The following GRM7 variants were observed in gnomAD, a reference collection of about 807,000 sequenced individuals.
GRM7 encodes the protein glutamate metabotropic receptor 7.
GRM7 carries 35 observed loss-of-function variants against 84.5 expected under a neutral mutation model. That is an observed-to-expected ratio of 0.41 (90% confidence interval 0.32 to 0.55). The LOEUF is 0.55. Ranked by LOEUF, GRM7 falls within the 20% of genes least tolerant of loss-of-function variation. GRM7 has a pLI of 0.19. For synonymous variants in GRM7, 487 were observed against 455.1 expected, an observed-to-expected ratio of 1.07 and a Z score of -0.89; for missense variants, 1,003 against 1,194.6, an observed-to-expected ratio of 0.84 and a Z score of 2.36.
intron 1 of GRM7, among the ~76,000 whole-genome samples, chr3:7,124,237 T>C (rs1465201123): frequency 6.6e-6 from 1 of 152,198 alleles, no homozygotes. Flanking sequence ...AATACTTTAG[T>C]TGAAGAAACA....
chr3:7,513,770 G>A (rs1191602024), intron 7 of GRM7, among the ~76,000 whole-genome samples: 1 of 152,082 alleles, frequency 6.6e-6, no homozygotes, highest in Non-Finnish European at 1.5e-5. Context: ...TAAAAAATTA[G>A]AGAAGAACAT....
chr3:7,320,819 TA>T (rs1337063955), intron 4 of GRM7, among the ~76,000 whole-genome samples: 3 of 152,002 alleles, frequency 2.0e-5, no homozygotes, highest in East Asian at 3.9e-4. Context: ...ATTGTGCAAA[TA>T]TACCGTGATG....
At chr3:7,135,159 T>C (rs1041526048) in intron 1 of GRM7, among the ~76,000 whole-genome samples, 6 of 152,196 alleles carry the variant, frequency 3.9e-5, no homozygotes, top group African/African-American at 1.4e-4. Context: ...TTGGAATAAA[T>C]TAATAAAAAT....
intron 7 of GRM7, chr3:7,559,368 A>T (rs1239372310): frequency 6.6e-6 from 1 of 152,094 alleles, no homozygotes; most frequent in African/African-American, 2.4e-5. Flanking sequence ...TTTATTTACA[A>T]GCACATTATC....
chr3:7,092,284 CTAAA>C (rs1698693490), intron 1 of GRM7, among the ~76,000 whole-genome samples: 2 of 152,186 alleles, frequency 1.3e-5, no homozygotes, highest in Non-Finnish European at 2.9e-5. Context: ...GACAGAACTT[CTAAA>C]TAGAGATAGT....
intron 4 of GRM7, among the ~76,000 whole-genome samples, chr3:7,352,915 G>A (rs548185845): frequency 9.9e-5 from 15 of 152,176 alleles, no homozygotes; most frequent in South Asian, 4.1e-4. Context: ...ATGTCCTCAC[G>A]TTAACAGTAG....
At chr3:7,723,187 T>G (rs1284525484) in intron 9 of GRM7, among the ~76,000 whole-genome samples, 1 of 152,180 alleles carries the variant, frequency 6.6e-6, no homozygotes, top group South Asian at 2.1e-4. Context: ...TTCTCCAACA[T>G]AATCATAATA....
At chr3:6,881,267 A>G (rs763796021) in intron 1 of GRM7, among the ~76,000 whole-genome samples, 9 of 152,004 alleles carry the variant, frequency 5.9e-5, no homozygotes, top group African/African-American at 1.9e-4. Flanking sequence ...TGCATTTTCT[A>G]TGTTTCCTAA....
rs71063284 is a variant in GRM7 at position 7,162,729 on chromosome 3, ATTTTTTTTTTTTTTTTTTTTTTTTTT to A, written c.736+16084_736+16109del. Among the ~76,000 whole-genome samples the A allele has an allele frequency of 4.1e-3, 225 of 54,704 alleles. 1 individual carries two copies. The highest frequency in any genetic ancestry group is 0.037 in the East Asian group (56 of 1,516). 35.9% of individuals were successfully genotyped at this position (54,704 alleles called of 152,430 possible). On this transcript the variant is annotated intron_variant, in intron 2 of 9. Transcript: ENST00000357716. ...CAATCTCCCATTACTCCCATTTTTC[ATTTTTTTTTTTTTTTTTTTTTTTTTT>A]TTTTTTTTTTTTTTTTTTTTTTGAG...
chr3:7,350,080 C>T (rs571868634), intron 4 of GRM7, among the ~76,000 whole-genome samples: 8 of 152,088 alleles, frequency 5.3e-5, no homozygotes, highest in African/African-American at 1.4e-4. Context: ...TTGACCCTTG[C>T]GTAAGTACCT....
At chr3:7,509,912 C>T (rs952535739) in intron 7 of GRM7, among the ~76,000 whole-genome samples, 2 of 152,040 alleles carry the variant, frequency 1.3e-5, no homozygotes, top group African/African-American at 2.4e-5. Flanking sequence ...CTGATTTTGC[C>T]TTTTTAATTA....
intron 2 of GRM7, among the ~76,000 whole-genome samples, chr3:7,248,779 A>G (rs1357211041): frequency 6.6e-6 from 1 of 152,082 alleles, no homozygotes; most frequent in Non-Finnish European, 1.5e-5. Context: ...CCGCTTGCAA[A>G]TCACCTATAT....
intron 8 of GRM7, chr3:7,607,413 A>G (rs1257814119): frequency 1.3e-5 from 2 of 152,228 alleles, no homozygotes; most frequent in Non-Finnish European, 2.9e-5. Context: ...AAGGTATGTG[A>G]AAAGTAAAAA....
chr3:6,925,402 A>G (rs1465881887), intron 1 of GRM7, among the ~76,000 whole-genome samples: 1 of 152,156 alleles, frequency 6.6e-6, no homozygotes, highest in Non-Finnish European at 1.5e-5. Context: ...TTTATACCAT[A>G]CTTGAGAAGG....
chr3:7,285,430 A>C (rs1455139460), intron 2 of GRM7, among the ~76,000 whole-genome samples: 2 of 152,096 alleles, frequency 1.3e-5, no homozygotes, highest in Non-Finnish European at 2.9e-5. Flanking sequence ...TGTTTTATTG[A>C]ATGAAGATCA....
chr3:7,091,764 G>A (rs1315606316), intron 1 of GRM7, among the ~76,000 whole-genome samples: 7 of 149,772 alleles, frequency 4.7e-5, no homozygotes, highest in African/African-American at 5.0e-5. Context: ...AGTATGGTGC[G>A]GACTGAGTTT....
chr3:7,059,868 A>C (rs557156172), intron 1 of GRM7, among the ~76,000 whole-genome samples: 2 of 151,914 alleles, frequency 1.3e-5, no homozygotes, highest in East Asian at 3.9e-4. Context: ...TAGTTCTTTC[A>C]TCTTGAGCTC....
chr3:7,035,391 A>G (rs987196974), intron 1 of GRM7, among the ~76,000 whole-genome samples: 4 of 152,114 alleles, frequency 2.6e-5, no homozygotes, highest in Non-Finnish European at 5.9e-5. Context: ...GGGAAAGTAT[A>G]AAAGGCCCAG....
intron 7 of GRM7, among the ~76,000 whole-genome samples, chr3:7,525,782 T>G (rs185827440): frequency 2.0e-5 from 3 of 152,128 alleles, no homozygotes; most frequent in Non-Finnish European, 4.4e-5. Context: ...TGTTTAGCTC[T>G]CACTTATAAG....
Sources: allele counts gnomAD v4.1 joint callset (sites outside exome capture counted in the v4.1 genomes callset), GRCh38; gene constraint gnomAD v4.1.1; transcripts MANE v1.5; gene names NCBI Gene and HGNC (gene_info 2026-07-23, HGNC 2026-07-21).